The following PXDNL variants were observed in gnomAD, a reference collection of about 807,000 sequenced individuals.
PXDNL encodes the protein probable oxidoreductase PXDNL.
In PXDNL, 145 loss-of-function variants were observed where a neutral mutation model predicts 150.8. The observed-to-expected ratio is 0.96, with a 90% CI of 0.84 to 1.10. The LOEUF (loss-of-function observed/expected upper bound fraction) is 1.10. Ranked by LOEUF, PXDNL falls within the 50% of genes least tolerant of loss-of-function variation. The probability of loss-of-function intolerance (pLI) is 0.00; values close to 1 mark genes in which losing one functional copy is unlikely to be tolerated. For synonymous variants in PXDNL, 757 were observed against 725.7 expected (o/e 1.04, Z -0.69); for missense variants, 2,087 against 1,873.9 (o/e 1.11, Z -2.10).
chr8:51,680,959 G>C (rs996630757), intron 1 of PXDNL, among the ~76,000 whole-genome samples: 1 of 146,726 alleles, frequency 6.8e-6, no homozygotes, highest in Non-Finnish European at 1.5e-5. Context: ...AGGGTTTTGG[G>C]ATTTGCCCAG....
At chr8:51,427,922 A>G (rs1809151559) in intron 12 of PXDNL, among the ~76,000 whole-genome samples, 1 of 152,220 alleles carries the variant, frequency 6.6e-6, no homozygotes, top group Non-Finnish European at 1.5e-5. Flanking sequence ...AGAATGGAAA[A>G]GAAGAGATAA....
chr8:51,796,520 C>A (rs2037562712), intron 1 of PXDNL, among the ~76,000 whole-genome samples: 1 of 152,038 alleles, frequency 6.6e-6, no homozygotes, highest in Non-Finnish European at 1.5e-5. Context: ...GAAATACAAA[C>A]AACCATCAGA....
intron 17 of PXDNL, among the ~76,000 whole-genome samples, chr8:51,388,538 C>T (rs1195998264): frequency 6.6e-6 from 1 of 152,126 alleles, no homozygotes; most frequent in African/African-American, 2.4e-5. Flanking sequence ...ATTCTACTTC[C>T]TAAGTGAGAT....
At chr8:51,800,515 G>T (rs1392352000) in intron 1 of PXDNL, among the ~76,000 whole-genome samples, 1 of 152,210 alleles carries the variant, frequency 6.6e-6, no homozygotes, top group Non-Finnish European at 1.5e-5. Context: ...GGCAGACTCA[G>T]TGTGGAGAAA....
intron 2 of PXDNL, among the ~76,000 whole-genome samples, chr8:51,622,469 G>A: frequency 6.6e-6 from 1 of 152,292 alleles, no homozygotes. Context: ...ATAAATGCCT[G>A]AAAATCTGCA....
At chr8:51,730,281 T>G (rs945196644) in intron 1 of PXDNL, among the ~76,000 whole-genome samples, 3 of 152,234 alleles carry the variant, frequency 2.0e-5, no homozygotes, top group African/African-American at 7.2e-5. Context: ...AATAATAAAG[T>G]CTGCTTTAAA....
At chr8:51,423,211 G>A (rs1451313679) in intron 14 of PXDNL, among the ~76,000 whole-genome samples, 1 of 152,184 alleles carries the variant, frequency 6.6e-6, no homozygotes, top group Non-Finnish European at 1.5e-5. Context: ...AAATATACTA[G>A]GCTAGAGTAT....
At position 51,411,250 on chromosome 8, in the gene PXDNL, C is replaced by A; in HGVS notation, c.2062G>T (p.Glu688Ter). 2 of 1,461,184 alleles carry A rather than the reference C, an allele frequency of 1.4e-6. No homozygotes were observed. The highest frequency in any genetic ancestry group is 1.5e-5 in the South Asian group (1 of 64,978). 90.5% of individuals were successfully genotyped at this position (1,461,184 alleles called of 1,614,324 possible). ...AGAATAAAATGGCTTTGTGGCTGACCTTTGCCTTCCAAGTCCACAGTGAGC... is the reference window on the plus strand; with the variant it reads ...AGAATAAAATGGCTTTGTGGCTGACATTTGCCTTCCAAGTCCACAGTGAGC... Reference protein sequence around the residue: ...QGLTVDLEGKEFRYNDLVSPR... With the variant: ...QGLTVDLEGK The change falls in exon 16 of 23, where the codon GAA becomes TAA. Residue 688 changes from glutamate to a stop codon, truncating the protein, a stop_gained and splice_region_variant. Coordinates refer to ENST00000356297, the MANE Select transcript of PXDNL (RefSeq NM_144651.5). LOFTEE classifies it high-confidence loss of function.
intron 1 of PXDNL, among the ~76,000 whole-genome samples, chr8:51,735,279 G>A (rs964712839): frequency 7.2e-5 from 11 of 151,896 alleles, no homozygotes; most frequent in African/African-American, 2.7e-4. Context: ...TCAGGAGTTT[G>A]AGATCAGCCT....
In PXDNL at chr8:51,628,649, C is replaced by G. The variant is rs530967610; in HGVS notation, c.236+26040G>C. 2.0e-5 allele frequency among the ~76,000 whole-genome samples: 3 copies of G among 151,688 alleles called. No homozygotes were observed. In the South Asian group the frequency reaches 6.3e-4, roughly 32 times the overall value. ...CGATCTCCTGACCTTGTGATCCACC[C>G]ACCTTGGCCTCTCAAAGTGCTGGGA... On this transcript the variant is annotated intron_variant, in intron 2 of 22. Coordinates refer to ENST00000356297, the MANE Select transcript of PXDNL (RefSeq NM_144651.5).
chr8:51,662,761 CA>C (rs576924717), intron 1 of PXDNL, among the ~76,000 whole-genome samples: 4 of 151,898 alleles, frequency 2.6e-5, no homozygotes, highest in African/African-American at 9.7e-5. Context: ...CCTCAGATAC[CA>C]AAAAAACAGT....
At chr8:51,532,916 C>T (rs114215761) in intron 4 of PXDNL, among the ~76,000 whole-genome samples, 2,324 of 152,146 alleles carry the variant, frequency 0.015, 32 homozygotes, top group African/African-American at 0.035. Flanking sequence ...AAATGAACCG[C>T]TTTTTTGATT....
intron 1 of PXDNL, among the ~76,000 whole-genome samples, chr8:51,674,027 C>G (rs1307836866): frequency 6.6e-6 from 1 of 152,150 alleles, no homozygotes; most frequent in African/African-American, 2.4e-5. Context: ...TGTATGGGCC[C>G]TACATGTATT....
chr8:51,647,447 C>T (rs1414167360), intron 2 of PXDNL, among the ~76,000 whole-genome samples: 9 of 152,146 alleles, frequency 5.9e-5, no homozygotes, highest in South Asian at 2.1e-4. Flanking sequence ...TTCCCCAAAA[C>T]GAGGCAGAGA....
chr8:51,760,484 A>G (rs565985407), intron 1 of PXDNL, among the ~76,000 whole-genome samples: 132 of 152,348 alleles, frequency 8.7e-4, no homozygotes, highest in African/African-American at 3.0e-3. Context: ...AAACATGTAC[A>G]CTGACTTACT....
chr8:51,603,419 C>T (rs1813769708), intron 2 of PXDNL, among the ~76,000 whole-genome samples: 1 of 151,892 alleles, frequency 6.6e-6, no homozygotes, highest in Admixed American at 6.6e-5. Flanking sequence ...GAAGTAGTCA[C>T]CTTGTGTGTG....
chr8:51,635,882 A>G (rs1361123368), intron 2 of PXDNL, among the ~76,000 whole-genome samples: 2 of 152,174 alleles, frequency 1.3e-5, no homozygotes, highest in Non-Finnish European at 2.9e-5. Flanking sequence ...GCTACTAAAC[A>G]CAGACAAGAC....
rs760521469 is a variant in PXDNL at position 51,423,647 on chromosome 8, G to C, written c.1723C>G (p.Gln575Glu). The C allele has an allele frequency of 2.5e-6, 4 of 1,613,672 alleles. No individual in the cohort carries two copies. Among genetic ancestry groups the C allele is most frequent in the Non-Finnish European group, 3.4e-6 (4 of 1,179,798 alleles). Residue 575 changes from glutamine to glutamate, a missense_variant, in exon 14 of 23, where the codon CAG becomes GAG. Coordinates refer to ENST00000356297, the MANE Select transcript of PXDNL (RefSeq NM_144651.5). Reference sequence around the variant, plus strand: ...CGAGCCACACATTCATATCTTCCCTGGTCAGGGAACCCTGCGTCGTAGATA... The same window carrying C: ...CGAGCCACACATTCATATCTTCCCTCGTCAGGGAACCCTGCGTCGTAGATA... The part of the protein sequence containing the change: ...LTIYDAGFPD[Q>E]GRYECVARNS...
intron 1 of PXDNL, among the ~76,000 whole-genome samples, chr8:51,770,013 C>A (rs2037274668): frequency 6.6e-6 from 1 of 152,184 alleles, no homozygotes; most frequent in Admixed American, 6.5e-5. Flanking sequence ...TGTGAACATG[C>A]ATCCCATGAA....
Sources: allele counts gnomAD v4.1 joint callset (sites outside exome capture counted in the v4.1 genomes callset), GRCh38; gene constraint gnomAD v4.1.1; transcripts MANE v1.5; gene names NCBI Gene and HGNC (gene_info 2026-07-23, HGNC 2026-07-21).